Variants in ADK observed in about 807,000 individuals in gnomAD.
ADK encodes adenosine kinase, also known as N6,N6-dimethyladenosine kinase.
ADK carries 24 observed loss-of-function variants against 44.7 expected under a neutral mutation model. That is an observed-to-expected ratio of 0.54 (90% CI 0.39 to 0.76). The LOEUF is 0.76. Ranked by LOEUF, ADK falls within the 30% of genes least tolerant of loss-of-function variation. The pLI is 0.00. For missense variants in ADK, 321 were observed against 425.1 expected, an observed-to-expected ratio of 0.76 and a Z score of 2.15; for synonymous variants, 128 against 142.6, an observed-to-expected ratio of 0.90 and a Z score of 0.73.
intron 1 of ADK, among the ~76,000 whole-genome samples, chr10:74,188,933 A>G (rs1023843279): frequency 1.3e-5 from 2 of 151,698 alleles, no homozygotes; most frequent in Non-Finnish European, 1.5e-5. Context: ...CCACCACGCC[A>G]GGCTGATTTT....
intron 9 of ADK, among the ~76,000 whole-genome samples, chr10:74,659,513 C>A (rs1854616954): frequency 6.6e-6 from 1 of 152,184 alleles, no homozygotes. Context: ...CCTTCAGAAG[C>A]AGCAATTTTA....
intron 6 of ADK, among the ~76,000 whole-genome samples, chr10:74,447,391 C>T (rs1003990610): frequency 6.6e-6 from 1 of 152,086 alleles, no homozygotes; most frequent in African/African-American, 2.4e-5. Flanking sequence ...GAGTCTGCTT[C>T]TTCTCTTCCT....
At chr10:74,377,904 T>C (rs1424796228) in intron 4 of ADK, among the ~76,000 whole-genome samples, 2 of 152,208 alleles carry the variant, frequency 1.3e-5, no homozygotes, top group Non-Finnish European at 2.9e-5. Flanking sequence ...TTGGGGCACT[T>C]AGGATTTTAC....
At chr10:74,415,938 C>A (rs1844352588) in intron 6 of ADK, among the ~76,000 whole-genome samples, 1 of 151,624 alleles carries the variant, frequency 6.6e-6, no homozygotes, top group South Asian at 2.1e-4. Flanking sequence ...TTACCTATTT[C>A]TCTATTGCAA....
At chr10:74,452,988 G>C (rs182295817) in intron 6 of ADK, among the ~76,000 whole-genome samples, 192 of 152,062 alleles carry the variant, frequency 1.3e-3, no homozygotes, top group African/African-American at 4.1e-3. Context: ...ACAATCAAAT[G>C]TACTAATTTT....
chr10:74,367,741 C>A (rs1000011996), intron 4 of ADK, among the ~76,000 whole-genome samples: 2 of 152,058 alleles, frequency 1.3e-5, no homozygotes, highest in Non-Finnish European at 2.9e-5. Context: ...CTTTTCAATG[C>A]GTATTTAGTG....
intron 6 of ADK, among the ~76,000 whole-genome samples, chr10:74,459,268 G>A (rs759524015): frequency 4.7e-5 from 7 of 148,916 alleles, no homozygotes; most frequent in Non-Finnish European, 1.0e-4. Context: ...GCAACAGAAC[G>A]AGACCTCATC....
rs149759697 is a variant in ADK, at chr10:74,532,045, C to T, written c.726+6619C>T. Among the ~76,000 whole-genome samples, 41 of 152,190 alleles carry T rather than the reference C, an allele frequency of 2.7e-4. 1 individual carries two copies. The highest frequency in any genetic ancestry group is 6.8e-3 in the Middle Eastern group (2 of 294). ...TTCAAATAATTTTAGCACATCAAAC[C>T]GAACAATATATTAAAAGAGTAATTC... is the stretch of plus-strand genomic sequence containing the variant. On this transcript the variant is annotated intron_variant, in intron 7 of 10. Coordinates refer to ENST00000539909, the MANE Select transcript of ADK (RefSeq NM_006721.4).
intron 1 of ADK, among the ~76,000 whole-genome samples, chr10:74,172,417 G>A (rs1452796433): frequency 3.3e-5 from 5 of 152,136 alleles, no homozygotes; most frequent in East Asian, 1.9e-4. Flanking sequence ...TTGGCTGGGC[G>A]CGGTGGCTCA....
At chr10:74,492,549 G>A (rs1847526641) in intron 6 of ADK, among the ~76,000 whole-genome samples, 1 of 152,158 alleles carries the variant, frequency 6.6e-6, no homozygotes, top group Admixed American at 6.5e-5. Context: ...CAGATAAATA[G>A]TAAAAGGTTA....
intron 2 of ADK, among the ~76,000 whole-genome samples, chr10:74,213,452 T>C (rs1843898385): frequency 6.6e-6 from 1 of 152,152 alleles, no homozygotes; most frequent in East Asian, 1.9e-4. Flanking sequence ...ATTCAATAAA[T>C]GGTAGCTATT....
intron 3 of ADK, among the ~76,000 whole-genome samples, chr10:74,248,643 C>T (rs1277227338): frequency 1.3e-5 from 2 of 152,124 alleles, no homozygotes; most frequent in Admixed American, 6.5e-5. Flanking sequence ...CATGATCCAC[C>T]GTGCCCAGCC....
At chr10:74,617,859 G>A (rs979219912) in intron 9 of ADK, among the ~76,000 whole-genome samples, 2 of 152,196 alleles carry the variant, frequency 1.3e-5, no homozygotes, top group Middle Eastern at 3.4e-3. Flanking sequence ...CCCATAGTGC[G>A]GGGATTACAG....
intron 7 of ADK, among the ~76,000 whole-genome samples, chr10:74,553,085 T>C (rs915653055): frequency 7.2e-5 from 11 of 151,892 alleles, no homozygotes; most frequent in Non-Finnish European, 1.3e-4. Context: ...GCAAGTCATT[T>C]ACCTGAGAAG....
At position 74,667,335 on chromosome 10, in the gene ADK, A is replaced by C. The variant is rs180848864; in HGVS notation, c.878-2848A>C. On this transcript the variant is annotated intron_variant, in intron 9 of 10. Transcript: ENST00000539909. ...GCATATATGATATTCTTATATACTT[A>C]TCTGTACTGATAAGTATAAAAAGGT... Among the ~76,000 whole-genome samples, 77 of 152,168 alleles carry C rather than the reference A, an allele frequency of 5.1e-4. 1 individual carries two copies. The highest frequency in any genetic ancestry group is 1.7e-3 in the African/African-American group (72 of 41,520).
At chr10:74,389,779 G>T (rs1843274356) in intron 4 of ADK, among the ~76,000 whole-genome samples, 1 of 152,042 alleles carries the variant, frequency 6.6e-6, no homozygotes, top group Non-Finnish European at 1.5e-5. Context: ...TATTTCTACT[G>T]TTTATCAATT....
At chr10:74,437,089 T>C (rs1845200851) in intron 6 of ADK, among the ~76,000 whole-genome samples, 1 of 151,846 alleles carries the variant, frequency 6.6e-6, no homozygotes, top group Non-Finnish European at 1.5e-5. Context: ...ATTAACAAAA[T>C]AATCAAAGTG....
At chr10:74,333,382 A>G (rs534508952) in intron 4 of ADK, among the ~76,000 whole-genome samples, 1 of 152,310 alleles carries the variant, frequency 6.6e-6, no homozygotes, top group Admixed American at 6.5e-5. Context: ...ATAACGCCAT[A>G]GAAGGCATGA....
chr10:74,708,549 A>G lies in ADK; in HGVS notation c.*104A>G, dbSNP rs1856686786. ...AGAAAATTATCTGCCATTTTTTCCT[A>G]CTATAATAATGCTGAATCTTAATTT... is the stretch of plus-strand genomic sequence containing the variant. On this transcript the variant is annotated 3_prime_UTR_variant, in exon 11 of 11. Transcript: ENST00000539909. The G allele has an allele frequency of 3.8e-6, 5 of 1,319,946 alleles. No homozygotes were observed. The highest frequency in any genetic ancestry group is 5.2e-6 in the Non-Finnish European group (5 of 955,400). 81.8% of individuals were successfully genotyped at this position (1,319,946 alleles called of 1,614,324 possible).
Sources: gnomAD v4.1 joint callset for allele counts (sites outside exome capture counted in the v4.1 genomes callset) on GRCh38, gnomAD v4.1.1 for gene constraint, MANE v1.5 for transcripts, NCBI Gene and HGNC (gene_info 2026-07-23, HGNC 2026-07-21) for gene names.